Variants in SLC30A8 observed in about 807,000 individuals in gnomAD.
SLC30A8 encodes solute carrier family 30 member 8.
Under a neutral mutation model 36.9 loss-of-function variants are expected in SLC30A8, and 27 were observed. That is an observed-to-expected ratio of 0.73 (90% CI 0.54 to 1.01). The LOEUF is 1.01. SLC30A8 is among the 50% of genes least tolerant of loss of function. The pLI is 0.00. For synonymous variants in SLC30A8, 164 were observed against 172.4 expected, an observed-to-expected ratio of 0.95 and a Z score of 0.38; for missense variants, 439 against 452.0, an observed-to-expected ratio of 0.97 and a Z score of 0.26.
At chr8:117,130,625 G>T (rs981539377), upstream of SLC30A8, among the ~76,000 whole-genome samples, 1 of 151,724 alleles carries the variant, frequency 6.6e-6, no homozygotes, top group African/African-American at 2.4e-5. Context: ...GTATATTTTT[G>T]TCTACTTTTC....
chr8:117,069,179 A>G (rs1818255533), intron 2 of SLC30A8, among the ~76,000 whole-genome samples: 1 of 152,252 alleles, frequency 6.6e-6, no homozygotes, highest in African/African-American at 2.4e-5. Context: ...AATGATAAAG[A>G]ATAGCTATAA....
chr8:116,979,530 T>C (rs1405351041), intron 1 of SLC30A8, among the ~76,000 whole-genome samples: 1 of 152,204 alleles, frequency 6.6e-6, no homozygotes, highest in Admixed American at 6.5e-5. Flanking sequence ...TGGGTACTGG[T>C]GGTCTCAGAC....
intron 2 of SLC30A8, among the ~76,000 whole-genome samples, chr8:117,074,524 G>T (rs1818430882): frequency 6.6e-6 from 1 of 152,022 alleles, no homozygotes; most frequent in Non-Finnish European, 1.5e-5. Flanking sequence ...TATTTCAGGG[G>T]GCATTGATGT....
intron 2 of SLC30A8, among the ~76,000 whole-genome samples, chr8:117,076,715 T>C (rs1274108323): frequency 6.6e-6 from 1 of 152,184 alleles, no homozygotes; most frequent in Non-Finnish European, 1.5e-5. Flanking sequence ...ATCATTACCT[T>C]ATTTATCTAT....
At chr8:117,137,509 G>A (rs1231099261) in intron 1 of SLC30A8, among the ~76,000 whole-genome samples, 1 of 151,988 alleles carries the variant, frequency 6.6e-6, no homozygotes, top group Non-Finnish European at 1.5e-5. Flanking sequence ...GATTCTCTGG[G>A]TCAGGATTTG....
chr8:117,006,772 A>AT (rs71305456), intron 1 of SLC30A8, among the ~76,000 whole-genome samples: 3,795 of 78,934 alleles, frequency 0.048, 466 homozygotes, highest in Non-Finnish European at 0.071. Flanking sequence ...GAGTCAGGTA[A>AT]TTTTTTTTTT....
At chr8:116,978,800 A>C (rs1160501120) in intron 1 of SLC30A8, among the ~76,000 whole-genome samples, 2 of 152,206 alleles carry the variant, frequency 1.3e-5, no homozygotes, top group African/African-American at 2.4e-5. Context: ...ATCAGTCTCC[A>C]GCAGCCTTAA....
intron 1 of SLC30A8, among the ~76,000 whole-genome samples, chr8:116,993,639 ACAGGTAAC>A (rs1418907024): frequency 6.6e-6 from 1 of 152,128 alleles, no homozygotes; most frequent in East Asian, 1.9e-4. Flanking sequence ...GAGAATAGAA[ACAGGTAAC>A]CAGAATCTAC....
At chr8:117,115,216 A>G (rs1296471969) in intron 2 of SLC30A8, among the ~76,000 whole-genome samples, 1 of 152,098 alleles carries the variant, frequency 6.6e-6, no homozygotes, top group Non-Finnish European at 1.5e-5. Context: ...TTGGGATTAT[A>G]GGTGTGAGCC....
At chr8:117,045,772 G>A (rs1259114654) in intron 2 of SLC30A8, among the ~76,000 whole-genome samples, 1 of 152,142 alleles carries the variant, frequency 6.6e-6, no homozygotes, top group Non-Finnish European at 1.5e-5. Context: ...CATGTGACAA[G>A]CCATCTGTTT....
chr8:116,985,436 T>C (rs540616774), intron 1 of SLC30A8, among the ~76,000 whole-genome samples: 1 of 152,190 alleles, frequency 6.6e-6, no homozygotes, highest in Admixed American at 6.6e-5. Context: ...GCTGCAAGGA[T>C]AATATATATA....
At chr8:117,065,468 T>G (rs548849116) in intron 2 of SLC30A8, among the ~76,000 whole-genome samples, 1 of 152,322 alleles carries the variant, frequency 6.6e-6, no homozygotes, top group South Asian at 2.1e-4. Flanking sequence ...CCTACATACC[T>G]TAGTAAATCC....
chr8:117,143,138 A>C (rs1183658850), intron 1 of SLC30A8, among the ~76,000 whole-genome samples: 1 of 152,176 alleles, frequency 6.6e-6, no homozygotes, highest in Non-Finnish European at 1.5e-5. Context: ...TGGAGATAGA[A>C]GCAAAGTTCT....
chr8:116,976,804 T>A (rs546095684), intron 1 of SLC30A8, among the ~76,000 whole-genome samples: 1 of 140,160 alleles, frequency 7.1e-6, no homozygotes, highest in African/African-American at 3.0e-5. Context: ...TTATTTTTCT[T>A]TCTTTCTTTC....
intron 2 of SLC30A8, among the ~76,000 whole-genome samples, chr8:117,148,082 T>C (rs1821985771): frequency 6.6e-6 from 1 of 152,060 alleles, no homozygotes; most frequent in South Asian, 2.1e-4. Flanking sequence ...TTTTGATGTT[T>C]ATTTTGACTT....
In SLC30A8 at chr8:117,135,391, C is replaced by T. The variant is rs555484215; in HGVS notation, c.64C>T (p.Leu22=). 1.4e-5 allele frequency: 22 copies of T among 1,594,862 alleles called. No individual in the cohort carries two copies. Among genetic ancestry groups the T allele is most frequent in the African/African-American group, 9.4e-5 (7 of 74,534 alleles). ...DKAAKMYAFT[L]ESVELQQKPV... is the part of the protein sequence containing the mutation. The stretch of plus-strand genomic sequence containing the variant: ...AGCTGCCAAGATGTATGCTTTCACA[C>T]TAGAAAGGTAATAGATGTCTGTGTC... The change falls in exon 1 of 8, where the codon CTA becomes TTA. Residue 22 remains leucine (L), a synonymous_variant. Coordinates refer to ENST00000456015, the MANE Select transcript of SLC30A8 (RefSeq NM_173851.3).
chr8:116,991,099 A>G (rs950069804), intron 1 of SLC30A8, among the ~76,000 whole-genome samples: 3 of 151,910 alleles, frequency 2.0e-5, no homozygotes, highest in Admixed American at 6.6e-5. Flanking sequence ...CTATTTTTGA[A>G]TCTCCTTTAC....
At position 117,172,497 on chromosome 8, in the gene SLC30A8, G is replaced by A. The variant is rs1313948431; in HGVS notation, c.965-39G>A. On this transcript the variant is annotated intron_variant, in intron 7 of 7. Coordinates refer to ENST00000456015, the MANE Select transcript of SLC30A8 (RefSeq NM_173851.3). The stretch of plus-strand genomic sequence containing the variant: ...AGTCAGAGCAGTCGCCCATGCGTGT[G>A]CAATCAGTGCTAATCTCCCTGTGCT... 4.3e-6 allele frequency: 7 copies of A among 1,613,152 alleles called. No homozygotes were observed. The African/African-American group carries it at 5.3e-5, about 12-fold the overall frequency.
At chr8:117,163,841 C>T (rs1214979320) in intron 6 of SLC30A8, 1 of 189,516 alleles carries the variant, frequency 5.3e-6, no homozygotes, top group Non-Finnish European at 1.1e-5. Context: ...AAAAAAACTA[C>T]ATAAGTTTAC....
Sources: gnomAD v4.1 joint callset for allele counts (sites outside exome capture counted in the v4.1 genomes callset) on GRCh38, gnomAD v4.1.1 for gene constraint, MANE v1.5 for transcripts, NCBI Gene and HGNC (gene_info 2026-07-23, HGNC 2026-07-21) for gene names.